BCAP29: variants seen among roughly 807,000 people sequenced by gnomAD.
BCAP29 encodes the protein B-cell receptor-associated protein 29.
Under a neutral mutation model 31.8 loss-of-function variants are expected in BCAP29, and 34 were observed. The ratio of observed to expected loss-of-function variants is 1.07; its 90% CI spans 0.81 to 1.42. The LOEUF is 1.42. Among genes scored for constraint, BCAP29 ranks in the 40% most tolerant of loss-of-function variants. BCAP29 has a pLI of 0.00. For synonymous variants in BCAP29, 104 were observed against 91.3 expected (o/e 1.14, Z -0.79); for missense variants, 314 against 269.2 (o/e 1.17, Z -1.16).
intron 3 of BCAP29, among the ~76,000 whole-genome samples, chr7:107,589,790 G>A (rs1390082973): frequency 1.3e-5 from 2 of 152,118 alleles, no homozygotes; most frequent in Non-Finnish European, 2.9e-5. Context: ...GTCCTACCAA[G>A]GATTGGAATC....
At chr7:107,611,320 A>C (rs1813090100) in intron 6 of BCAP29, among the ~76,000 whole-genome samples, 1 of 152,120 alleles carries the variant, frequency 6.6e-6, no homozygotes, top group Admixed American at 6.6e-5. Flanking sequence ...TAATCCCAGC[A>C]CTTTGGGAGC....
chr7:107,606,816 C>G (rs1812184206), intron 6 of BCAP29, among the ~76,000 whole-genome samples: 1 of 152,182 alleles, frequency 6.6e-6, no homozygotes, highest in South Asian at 2.1e-4. Context: ...AAAAATGGGA[C>G]TAGATCTCTA....
At position 107,600,380 on chromosome 7, in the gene BCAP29, A is replaced by G. The variant is rs1810938582; in HGVS notation, c.481-17A>G. 1.4e-6 allele frequency: 2 copies of G among 1,471,024 alleles called. No individual in the cohort carries two copies. The highest frequency in any genetic ancestry group is 4.5e-5 in the East Asian group (2 of 44,040). 91.1% of individuals were successfully genotyped at this position (1,471,024 alleles called of 1,614,324 possible). On this transcript the variant is annotated splice_polypyrimidine_tract_variant and intron_variant, in intron 5 of 7. Coordinates refer to ENST00000005259, the MANE Select transcript of BCAP29 (RefSeq NM_018844.4). ...GCAATCTAAGCTTATTTCTTCCTGT[A>G]TCTCCTTTTGCAATAGATTTTGAAA...
chr7:107,618,538 A>G lies in BCAP29; in HGVS notation c.*175A>G. 6.2e-7 allele frequency: 1 copy of G among 1,604,546 alleles called. No homozygotes were observed. Among genetic ancestry groups the G allele is most frequent in the African/African-American group, 1.3e-5 (1 of 74,814 alleles). ...AAATATTTGATGATGTTTCAGATAT[A>G]TTGCAAAGTCTGTATTCCAGCTCTT... On this transcript the variant is annotated 3_prime_UTR_variant, in exon 8 of 8. Transcript: ENST00000005259.
chr7:107,592,437 G>T (rs1260657943), intron 3 of BCAP29, among the ~76,000 whole-genome samples: 1 of 152,184 alleles, frequency 6.6e-6, no homozygotes, highest in African/African-American at 2.4e-5. Context: ...ATAATAACAA[G>T]TGTTGCTGAG....
At chr7:107,599,247 A>ATATATATAATTTTTATATATATATT (rs1810580400) in intron 5 of BCAP29, among the ~76,000 whole-genome samples, 1 of 127,876 alleles carries the variant, frequency 7.8e-6, no homozygotes, top group Non-Finnish European at 1.6e-5. Context: ...TTATATATAA[A>ATATATATAATTTTTATATATATATT]TATATATAAT....
chr7:107,622,161 C>G (rs144458228), downstream of BCAP29: 156 of 318,016 alleles, frequency 4.9e-4, no homozygotes, highest in Non-Finnish European at 8.2e-4. Flanking sequence ...CTCCTCATCT[C>G]CCTGTATCTT....
chr7:107,612,431 A>ATT (rs1563141469), intron 6 of BCAP29, among the ~76,000 whole-genome samples: 661 of 38,022 alleles, frequency 0.017, 38 homozygotes, highest in African/African-American at 0.039. Flanking sequence ...ATATATATAT[A>ATT]TATATATATT....
chr7:107,608,392 A>G (rs1326559170), intron 6 of BCAP29, among the ~76,000 whole-genome samples: 1 of 152,162 alleles, frequency 6.6e-6, no homozygotes, highest in African/African-American at 2.4e-5. Context: ...CAGGTTGTCC[A>G]GCTTTCACCA....
At chr7:107,591,339 A>C (rs557676697) in intron 3 of BCAP29, among the ~76,000 whole-genome samples, 15 of 152,188 alleles carry the variant, frequency 9.9e-5, no homozygotes, top group Non-Finnish European at 2.2e-4. Flanking sequence ...GACTCACACT[A>C]CCAGATTTCA....
chr7:107,591,817 A>T (rs1355936685), intron 3 of BCAP29, among the ~76,000 whole-genome samples: 1 of 152,064 alleles, frequency 6.6e-6, no homozygotes, highest in Non-Finnish European at 1.5e-5. Flanking sequence ...GTTTTATTTT[A>T]TTTTTACTTT....
chr7:107,618,384 A>G lies in BCAP29; in HGVS notation c.*21A>G, dbSNP rs202191845. On this transcript the variant is annotated 3_prime_UTR_variant, in exon 8 of 8. Transcript: ENST00000005259. ...TGTGAACTTTATAAAAGACACTTGC[A>G]ATATACTGTGTCAAAATGATAATTT... 20 of 1,611,734 alleles carry G rather than the reference A, an allele frequency of 1.2e-5. No homozygotes were observed. The highest frequency in any genetic ancestry group is 1.2e-5 in the Non-Finnish European group (14 of 1,178,292).
chr7:107,613,256 CTATT>C (rs1327702903), intron 6 of BCAP29, 72 bp from the exon 7 acceptor site: 2 of 1,064,478 alleles, frequency 1.9e-6, no homozygotes, highest in African/African-American at 1.6e-5. Context: ...CAGGAGTTCT[CTATT>C]TAAGCCTTGT....
At position 107,610,158 on chromosome 7, in the gene BCAP29, T is replaced by A. The variant is rs140940069; in HGVS notation, c.590-3174T>A. Among the ~76,000 whole-genome samples, 16 of 152,334 alleles carry A rather than the reference T, an allele frequency of 1.1e-4. No individual in the cohort carries two copies. The South Asian group carries it at 1.9e-3, about 18-fold the overall frequency. On this transcript the variant is annotated intron_variant, in intron 6 of 7. Coordinates refer to ENST00000005259, the MANE Select transcript of BCAP29 (RefSeq NM_018844.4). ...TCACTGTAACATTAGTTGAAGTCAT[T>A]TTCTATATTAATAAATGATGCAAGT...
At chr7:107,594,380 G>A (rs113232343) in intron 4 of BCAP29, among the ~76,000 whole-genome samples, 1,894 of 152,008 alleles carry the variant, frequency 0.012, 49 homozygotes, top group African/African-American at 0.042. Context: ...TAGAGATGGG[G>A]TCTCACTGTG....
chr7:107,603,667 G>C (rs989072664), intron 6 of BCAP29, among the ~76,000 whole-genome samples: 1 of 145,392 alleles, frequency 6.9e-6, no homozygotes, highest in South Asian at 2.2e-4. Flanking sequence ...GTGCAGTGGT[G>C]CAGTCTTGGC....
At chr7:107,580,023 G>A (rs986617066), upstream of BCAP29, 2 of 152,394 alleles carry the variant, frequency 1.3e-5, no homozygotes, top group African/African-American at 4.8e-5. Context: ...CTTAGCAGTG[G>A]AAAGTCTGTC....
At chr7:107,603,180 C>T (rs2129265616) in intron 6 of BCAP29, among the ~76,000 whole-genome samples, 1 of 151,976 alleles carries the variant, frequency 6.6e-6, no homozygotes, top group African/African-American at 2.4e-5. Flanking sequence ...CCATGTTAGC[C>T]AGGATGGTCT....
chr7:107,616,571 C>G (rs1036676361), intron 7 of BCAP29, among the ~76,000 whole-genome samples: 4 of 152,150 alleles, frequency 2.6e-5, no homozygotes, highest in African/African-American at 9.7e-5. Flanking sequence ...GAAAATTAAA[C>G]CAGATCCTGT....
Sources: allele counts gnomAD v4.1 joint callset (sites outside exome capture counted in the v4.1 genomes callset), GRCh38; gene constraint gnomAD v4.1.1; transcripts MANE v1.5; gene names NCBI Gene and HGNC (gene_info 2026-07-23, HGNC 2026-07-21).